Variants in SLC9A2 observed in about 807,000 individuals in gnomAD.
SLC9A2 encodes solute carrier family 9 member A2.
A neutral mutation model predicts 71.7 loss-of-function variants in SLC9A2; 42 were observed. The ratio of observed to expected loss-of-function variants is 0.59; its 90% CI spans 0.46 to 0.76. SLC9A2 has a LOEUF of 0.76. Ranked by LOEUF, SLC9A2 falls within the 30% of genes least tolerant of loss-of-function variation. The pLI is 0.00. For synonymous variants in SLC9A2, 396 were observed against 392.5 expected (o/e 1.01, Z -0.10); for missense variants, 829 against 1,017.4 (o/e 0.81, Z 2.52).
chr2:102,653,672 A>T (rs1170461174), intron 1 of SLC9A2, among the ~76,000 whole-genome samples: 2 of 152,192 alleles, frequency 1.3e-5, no homozygotes, highest in African/African-American at 4.8e-5. Context: ...TGATACAACA[A>T]GAAGAGCAGC....
Position 102,655,140 on chromosome 2 carries a change from T to A in SLC9A2, c.290-2424T>A, listed in dbSNP as rs538033081. 1.0e-3 allele frequency among the ~76,000 whole-genome samples: 152 copies of A among 152,248 alleles called. 1 individual carries two copies. Among genetic ancestry groups the A allele is most frequent in the African/African-American group, 3.2e-3 (135 of 41,544 alleles). The stretch of plus-strand genomic sequence containing the variant: ...AAAAATGGTTTTTTTGTAATAACAC[T>A]TAGCTTGAAACACAAACACATTGTA... On this transcript the variant is annotated intron_variant, in intron 1 of 11. Coordinates refer to ENST00000233969, the MANE Select transcript of SLC9A2 (RefSeq NM_003048.6).
intron 1 of SLC9A2, among the ~76,000 whole-genome samples, chr2:102,650,457 C>A (rs2104514663): frequency 6.6e-6 from 1 of 152,146 alleles, no homozygotes; most frequent in Non-Finnish European, 1.5e-5. Context: ...AAACCTGCAC[C>A]TTCTGCACAT....
intron 1 of SLC9A2, among the ~76,000 whole-genome samples, chr2:102,635,250 G>A (rs2104503908): frequency 6.6e-6 from 1 of 152,298 alleles, no homozygotes; most frequent in Non-Finnish European, 1.5e-5. Flanking sequence ...AAAAATTGCG[G>A]CTTCTTCTTT....
chr2:102,673,518 C>CT (rs914881642), intron 3 of SLC9A2, among the ~76,000 whole-genome samples: 1 of 152,140 alleles, frequency 6.6e-6, no homozygotes, highest in Non-Finnish European at 1.5e-5. Context: ...TTACATAAAA[C>CT]TTTAACAATT....
intron 1 of SLC9A2, among the ~76,000 whole-genome samples, chr2:102,639,766 C>G (rs1676537835): frequency 6.6e-6 from 1 of 152,118 alleles, no homozygotes; most frequent in South Asian, 2.1e-4. Flanking sequence ...ATGAATTTGT[C>G]CATTCTAGGT....
intron 1 of SLC9A2, among the ~76,000 whole-genome samples, chr2:102,652,432 G>A (rs1244505197): frequency 3.3e-5 from 5 of 152,066 alleles, no homozygotes; most frequent in Non-Finnish European, 7.4e-5. Context: ...TTCCCATGGC[G>A]CCCAGCCTTT....
intron 1 of SLC9A2, among the ~76,000 whole-genome samples, chr2:102,649,871 A>C (rs1282281205): frequency 5.9e-5 from 9 of 152,192 alleles, no homozygotes; most frequent in Admixed American, 5.9e-4. Flanking sequence ...TGTCAGTGGG[A>C]GTGTAAATTA....
In SLC9A2 at chr2:102,619,905, G is replaced by T; in HGVS notation, c.57G>T (p.Leu19Phe). ...SLRAPLPPML[L>F]LLLLQVAGPV... ...GGGCGCCACTGCCTCCGATGCTGTT[G>T]CTGCTGCTCCTGCAGGTGGCGGGGC... The change falls in exon 1 of 12, where the codon TTG becomes TTT. Residue 19 changes from leucine (L) to phenylalanine (F), a missense_variant. Around this residue, in one of 3 missense-constraint regions of SLC9A2, gnomAD observed 106 missense variants for 93.5 expected, o/e 1.13. Coordinates refer to ENST00000233969, the MANE Select transcript of SLC9A2 (RefSeq NM_003048.6). This position sits in a 1 kb window ranked among gnomAD's most constrained non-coding sequence, Gnocchi z 4.3. The T allele has an allele frequency of 6.3e-7, 1 of 1,595,200 alleles. No individual in the cohort carries two copies. Among genetic ancestry groups the T allele is most frequent in the South Asian group, 1.1e-5 (1 of 88,978 alleles).
At chr2:102,667,578 A>G (rs1038097441) in intron 3 of SLC9A2, among the ~76,000 whole-genome samples, 6 of 152,134 alleles carry the variant, frequency 3.9e-5, no homozygotes, top group Admixed American at 1.3e-4. Flanking sequence ...GTATCAAGTC[A>G]CTGGCCTCTT....
chr2:102,691,912 T>C (rs1677671365), intron 5 of SLC9A2, among the ~76,000 whole-genome samples: 1 of 152,198 alleles, frequency 6.6e-6, no homozygotes, highest in Non-Finnish European at 1.5e-5. Flanking sequence ...ACTCACCTAT[T>C]ACTTACTAAA....
At position 102,709,556 on chromosome 2, in the gene SLC9A2, T is replaced by C. The variant is rs1678063784; in HGVS notation, c.*1067T>C. The C allele has an allele frequency of 6.5e-6, 1 of 152,788 alleles. No individual in the cohort carries two copies. Among genetic ancestry groups the C allele is most frequent in the Non-Finnish European group, 1.5e-5 (1 of 68,040 alleles). The allele number at this position is 152,788 out of a possible 1,614,324, so 9.5% of individuals were successfully genotyped here. On this transcript the variant is annotated 3_prime_UTR_variant, in exon 12 of 12. Coordinates refer to ENST00000233969, the MANE Select transcript of SLC9A2 (RefSeq NM_003048.6). ...TAACATTGCACAAGTTGATGAGATA[T>C]CAAGTTTTGAATATTATTCAGGAAG... is the stretch of plus-strand genomic sequence containing the variant.
At chr2:102,689,652 A>C (rs1247629092) in intron 5 of SLC9A2, 1 of 152,232 alleles carries the variant, frequency 6.6e-6, no homozygotes, top group African/African-American at 2.4e-5. Flanking sequence ...AATACTTTAC[A>C]ACAATCCTAC....
rs573180332 is a variant in SLC9A2, at chr2:102,677,319, G to A, written c.1005-5942G>A. ...GGGGGAAAAAAAAAACTCTTTTGAG[G>A]TAGTGTCTATAGCTGGCCTGAATTG... is the stretch of plus-strand genomic sequence containing the variant. On this transcript the variant is annotated intron_variant, in intron 3 of 11. Transcript: ENST00000233969. Among the ~76,000 whole-genome samples, 31 of 152,238 alleles carry A rather than the reference G, an allele frequency of 2.0e-4. No individual in the cohort carries two copies. In the South Asian group the frequency reaches 3.5e-3, roughly 17 times the overall value.
chr2:102,632,946 A>G (rs1676404042), intron 1 of SLC9A2, among the ~76,000 whole-genome samples: 1 of 152,140 alleles, frequency 6.6e-6, no homozygotes, highest in African/African-American at 2.4e-5. Flanking sequence ...TGCTTTTCCC[A>G]ATTCCTGGGC....
At position 102,706,431 on chromosome 2, in the gene SLC9A2, C is replaced by G. The variant is rs188540299; in HGVS notation, c.2068+495C>G. ...CACACGCCAGGGCCTGTTGTGGGGTCGGGGGAGTGGGGAGGGATAGCATTA... is the reference window on the plus strand; with the variant it reads ...CACACGCCAGGGCCTGTTGTGGGGTGGGGGGAGTGGGGAGGGATAGCATTA... On this transcript the variant is annotated intron_variant, in intron 11 of 11. Coordinates refer to ENST00000233969, the MANE Select transcript of SLC9A2 (RefSeq NM_003048.6). 6.2e-4 allele frequency among the ~76,000 whole-genome samples: 94 copies of G among 151,150 alleles called. No individual in the cohort carries two copies. The East Asian group carries it at 0.017, about 28-fold the overall frequency.
At chr2:102,687,068 G>A (rs531207015) in intron 5 of SLC9A2, among the ~76,000 whole-genome samples, 1 of 152,194 alleles carries the variant, frequency 6.6e-6, no homozygotes, top group Non-Finnish European at 1.5e-5. Flanking sequence ...CCTCTTATTA[G>A]GTTAAACGAG....
intron 1 of SLC9A2, among the ~76,000 whole-genome samples, chr2:102,636,631 T>C (rs1009447714): frequency 5.9e-5 from 9 of 152,348 alleles, no homozygotes; most frequent in Non-Finnish European, 1.0e-4. Context: ...AAAGCCAAAA[T>C]TGGCATAAAT....
rs764412326 is a variant in SLC9A2 at position 102,668,577 on chromosome 2, A to C, written c.1004+3227A>C. On this transcript the variant is annotated intron_variant, in intron 3 of 11. Coordinates refer to ENST00000233969, the MANE Select transcript of SLC9A2 (RefSeq NM_003048.6). ...CTCTCTCTTTTACCATTTATAAACC[A>C]ATTTTAAGGTTAATGAGAGTGAAGG... Among the ~76,000 whole-genome samples the C allele has an allele frequency of 1.2e-4, 18 of 152,170 alleles. 1 individual carries two copies. Among genetic ancestry groups the C allele is most frequent in the Non-Finnish European group, 2.9e-5 (2 of 68,026 alleles).
intron 10 of SLC9A2, among the ~76,000 whole-genome samples, chr2:102,705,314 T>C (rs922018940): frequency 6.6e-6 from 1 of 152,186 alleles, no homozygotes; most frequent in Non-Finnish European, 1.5e-5. Context: ...AAAATGGTTA[T>C]ATGTGAACAA....
Sources: gnomAD v4.1 joint callset for allele counts (sites outside exome capture counted in the v4.1 genomes callset) on GRCh38, gnomAD v4.1.1 for gene constraint, gnomAD v4.1.1 regional missense constraint, Gnocchi (gnomAD v3.1) non-coding constraint, MANE v1.5 for transcripts, NCBI Gene and HGNC (gene_info 2026-07-23, HGNC 2026-07-21) for gene names.